The following ZNF710 variants were observed in gnomAD, a reference collection of about 807,000 sequenced individuals.
ZNF710 encodes the protein zinc finger protein 710.
A neutral mutation model predicts 50.6 loss-of-function variants in ZNF710; 13 were observed. The observed-to-expected ratio is 0.26, with a 90% CI of 0.17 to 0.41. The LOEUF (loss-of-function observed/expected upper bound fraction) is 0.41, where lower values mean the gene tolerates loss of function less well. ZNF710 is among the 10% of genes least tolerant of loss of function. The pLI is 1.00. For synonymous variants in ZNF710, 383 were observed against 397.0 expected (o/e 0.96, Z 0.42); for missense variants, 721 against 936.6 (o/e 0.77, Z 3.01).
At chr15:90,049,166 A>G (rs750992866) in intron 1 of ZNF710, among the ~76,000 whole-genome samples, 2 of 152,220 alleles carry the variant, frequency 1.3e-5, no homozygotes, top group Non-Finnish European at 2.9e-5. Context: ...AGTTCCAGGC[A>G]TATCCCATTG....
At chr15:90,030,329 C>CAAA (rs10685083) in intron 1 of ZNF710, among the ~76,000 whole-genome samples, 890 of 50,470 alleles carry the variant, frequency 0.018, 96 homozygotes, top group African/African-American at 0.052. Flanking sequence ...AACTCCATCT[C>CAAA]AAAAAAAAAA....
intron 1 of ZNF710, among the ~76,000 whole-genome samples, chr15:90,018,325 C>A (rs1386730762): frequency 6.6e-6 from 1 of 152,104 alleles, no homozygotes; most frequent in Non-Finnish European, 1.5e-5. Context: ...TGTGCCACCA[C>A]ACCCAGCTAC....
chr15:90,031,927 C>T (rs550757923), intron 1 of ZNF710, among the ~76,000 whole-genome samples: 5 of 152,312 alleles, frequency 3.3e-5, no homozygotes, highest in South Asian at 4.1e-4. Flanking sequence ...GGGCTAGTAT[C>T]GACTAAAGCC....
At chr15:90,074,395 AC>A in intron 4 of ZNF710, 105 bp downstream of exon 4, 6 of 1,571,146 alleles carry the variant, frequency 3.8e-6, no homozygotes, top group Non-Finnish European at 5.1e-6. Flanking sequence ...CAAGGCTGAG[AC>A]TTCGTTGGGG....
At chr15:90,020,279 T>G (rs1401610516) in intron 1 of ZNF710, among the ~76,000 whole-genome samples, 5 of 152,190 alleles carry the variant, frequency 3.3e-5, no homozygotes, top group Non-Finnish European at 5.9e-5. Context: ...TTTTCTCTCC[T>G]GCCGGGACCT....
chr15:90,016,356 G>A (rs1374471366), intron 1 of ZNF710, among the ~76,000 whole-genome samples: 7 of 152,210 alleles, frequency 4.6e-5, no homozygotes, highest in Admixed American at 2.6e-4. Context: ...CATGGAGAGA[G>A]TTAGCCTTGG....
At chr15:90,038,874 C>T (rs1183212956) in intron 1 of ZNF710, among the ~76,000 whole-genome samples, 1 of 152,142 alleles carries the variant, frequency 6.6e-6, no homozygotes, top group Admixed American at 6.5e-5. Context: ...CCAGGAAAGT[C>T]CTAAGGCAGA....
rs398028304 is a variant in ZNF710, at chr15:90,034,428, C to CTGTGTGTGTGTGTG, written c.-28-32648_-28-32635dup. 5.7e-4 allele frequency among the ~76,000 whole-genome samples: 77 copies of CTGTGTGTGTGTGTG among 136,274 alleles called. 1 individual carries two copies. The highest frequency in any genetic ancestry group is 8.0e-4 in the Admixed American group (11 of 13,808). 89.4% of individuals were successfully genotyped at this position (136,274 alleles called of 152,430 possible). ...AGCTGTCCTTCCTGTTTCCAAATTC[C>CTGTGTGTGTGTGTG]TGTGTGTGTGTGTGTGTGTGTGTGT... On this transcript the variant is annotated intron_variant, in intron 1 of 4. Transcript: ENST00000268154. The surrounding 1 kb of genome is among the most constrained non-coding windows in gnomAD (Gnocchi z 4.0).
chr15:90,050,726 G>T (rs1174724643), intron 1 of ZNF710, among the ~76,000 whole-genome samples: 1 of 152,004 alleles, frequency 6.6e-6, no homozygotes, highest in Non-Finnish European at 1.5e-5. Context: ...GCCTCCCAAA[G>T]TGTCCATTTA....
chr15:90,041,786 C>T (rs1899301721), intron 1 of ZNF710, among the ~76,000 whole-genome samples: 1 of 151,866 alleles, frequency 6.6e-6, no homozygotes, highest in Non-Finnish European at 1.5e-5. Context: ...GGTAGGTGCT[C>T]AACAAATATT....
chr15:90,018,460 G>A (rs925206283), intron 1 of ZNF710, among the ~76,000 whole-genome samples: 12 of 152,142 alleles, frequency 7.9e-5, no homozygotes, highest in Admixed American at 1.3e-4. Context: ...GAGCCACCGC[G>A]CCCAGCTGGG....
chr15:90,058,307 A>G (rs1452372208), intron 1 of ZNF710, among the ~76,000 whole-genome samples: 1 of 152,168 alleles, frequency 6.6e-6, no homozygotes, highest in Admixed American at 6.5e-5. Context: ...AGGTCAGGTC[A>G]CTGAGAGTGT....
In ZNF710 at chr15:90,068,292, C is replaced by A; in HGVS notation, c.1155C>A (p.Gly385=). Residue 385 remains glycine, a synonymous_variant, in exon 2 of 5, where the codon GGC becomes GGA. Coordinates refer to ENST00000268154, the MANE Select transcript of ZNF710 (RefSeq NM_198526.4). This position sits in a 1 kb window ranked among gnomAD's most constrained non-coding sequence, Gnocchi z 5.0. ...AGCCCTACAGCTGCCACTTCTGCGG[C>A]CGCGGCTTCGCCTACCCCAGCGAGC... ...EVKPYSCHFC[G]RGFAYPSELK... is the part of the protein sequence containing the mutation. 6.2e-7 allele frequency: 1 copy of A among 1,612,958 alleles called. No individual in the cohort carries two copies. The highest frequency in any genetic ancestry group is 8.5e-7 in the Non-Finnish European group (1 of 1,180,016).
At chr15:90,027,946 C>T (rs2151481273) in intron 1 of ZNF710, among the ~76,000 whole-genome samples, 1 of 152,220 alleles carries the variant, frequency 6.6e-6, no homozygotes, top group East Asian at 1.9e-4. Flanking sequence ...TGGTGAGCTC[C>T]ATGAGGCTAG....
intron 1 of ZNF710, among the ~76,000 whole-genome samples, chr15:90,027,217 G>GTT: frequency 6.8e-6 from 1 of 148,058 alleles, no homozygotes; most frequent in African/African-American, 2.5e-5. Context: ...TTCTTCTTCT[G>GTT]TTTTTTTTTT....
Position 90,067,015 on chromosome 15 carries a change from A to C in ZNF710, c.-28-95A>C, listed in dbSNP as rs1596055733. 7.2e-7 allele frequency: 1 copy of C among 1,389,884 alleles called. No individual in the cohort carries two copies. The highest frequency in any genetic ancestry group is 9.5e-7 in the Non-Finnish European group (1 of 1,047,728). The allele number at this position is 1,389,884 out of a possible 1,614,324, so 86.1% of individuals were successfully genotyped here. A position where few individuals can be genotyped will look rare whatever the true frequency, so the allele number is the denominator to read the frequency against. ...TAGAAAAGACATCAGAGCCAGACAC[A>C]CCCAAAATCAGCCAAGCCCTTGTCT... On this transcript the variant is annotated intron_variant, in intron 1 of 4. Coordinates refer to ENST00000268154, the MANE Select transcript of ZNF710 (RefSeq NM_198526.4). The surrounding 1 kb of genome is among the most constrained non-coding windows in gnomAD (Gnocchi z 8.1).
At chr15:90,039,086 C>G (rs1292490607) in intron 1 of ZNF710, among the ~76,000 whole-genome samples, 1 of 152,184 alleles carries the variant, frequency 6.6e-6, no homozygotes, top group Non-Finnish European at 1.5e-5. Flanking sequence ...CAAGACCAGC[C>G]TGGCCAACAT....
chr15:90,061,934 T>C (rs1900019724), intron 1 of ZNF710, among the ~76,000 whole-genome samples: 1 of 152,126 alleles, frequency 6.6e-6, no homozygotes, highest in Admixed American at 6.5e-5. Flanking sequence ...TCCAGAGCTC[T>C]GAGGAGACGG....
intron 1 of ZNF710, among the ~76,000 whole-genome samples, chr15:90,049,139 A>T (rs936642075): frequency 6.6e-6 from 1 of 152,242 alleles, no homozygotes; most frequent in Non-Finnish European, 1.5e-5. Flanking sequence ...CTGACCATTT[A>T]TCAGAAGCCA....
Sources: gnomAD v4.1 joint callset for allele counts (sites outside exome capture counted in the v4.1 genomes callset) on GRCh38, gnomAD v4.1.1 for gene constraint, Gnocchi (gnomAD v3.1) non-coding constraint, MANE v1.5 for transcripts, NCBI Gene and HGNC (gene_info 2026-07-23, HGNC 2026-07-21) for gene names.